RGL3: variants seen among roughly 807,000 people sequenced by gnomAD.
The protein encoded by RGL3 is ral guanine nucleotide dissociation stimulator like 3.
A neutral mutation model predicts 90.6 loss-of-function variants in RGL3; 85 were observed. That is an observed-to-expected ratio of 0.94 (90% CI 0.79 to 1.12). RGL3 has a LOEUF of 1.12. RGL3 is among the 50% of genes most tolerant of loss of function. The probability of loss-of-function intolerance (pLI) is 0.00; values close to 1 mark genes in which losing one functional copy is unlikely to be tolerated. For synonymous variants in RGL3, 408 were observed against 385.5 expected (o/e 1.06, Z -0.68); for missense variants, 1,034 against 939.2 (o/e 1.10, Z -1.32).
chr19:11,397,252 C>T lies in RGL3; in HGVS notation c.2006G>A (p.Gly669Glu). 6.2e-7 allele frequency: 1 copy of T among 1,613,862 alleles called. No individual in the cohort carries two copies. Among genetic ancestry groups the T allele is most frequent in the Non-Finnish European group, 8.5e-7 (1 of 1,179,886 alleles). The change falls in exon 18 of 19, where the codon GGG (glycine) becomes GAG (glutamate). Residue 669 changes from glycine (G) to glutamate (E), a missense_variant. Transcript: ENST00000380456. ...AACCCATCCCTGCTCACCCCGGTCC[C>T]CAGGAAGGACTTGAAAGAGCTGATA... ...CDYQLFQVLP[G>E]DRVLLIPDNA...
At chr19:11,397,636 T>C (rs1388068271) in intron 16 of RGL3, 39 bp from the exon 17 acceptor site, 2 of 1,485,572 alleles carry the variant, frequency 1.3e-6, no homozygotes, top group Non-Finnish European at 1.8e-6. Context: ...GCTTGGCCCA[T>C]CTGCAGATGC....
At chr19:11,418,942 C>G (rs1362510754) in intron 1 of RGL3, 158 bp from the exon 2 acceptor site, 1 of 652,014 alleles carries the variant, frequency 1.5e-6, no homozygotes, top group African/African-American at 1.9e-5. Flanking sequence ...AGGCTAGTCC[C>G]CTCCTCGCTG....
At chr19:11,407,070 C>T in intron 5 of RGL3, 1 of 481,028 alleles carries the variant, frequency 2.1e-6, no homozygotes, top group Non-Finnish European at 3.7e-6. Context: ...ACCACAACCT[C>T]CGCCTCCTGG....
At chr19:11,417,998 A>G (rs1253493274) in intron 2 of RGL3, among the ~76,000 whole-genome samples, 1 of 151,680 alleles carries the variant, frequency 6.6e-6, no homozygotes, top group Non-Finnish European at 1.5e-5. Context: ...CTAGTTTTTT[A>G]ATTTTTATTT....
chr19:11,416,260 C>A, intron 4 of RGL3, 112 bp from the exon 5 acceptor site: 2 of 856,122 alleles, frequency 2.3e-6, no homozygotes, highest in Non-Finnish European at 3.4e-6. Context: ...ACTGTGTCAC[C>A]AAGGCTGCAG....
chr19:11,414,510 T>TATATACACCTTC (rs1968956241), intron 5 of RGL3, among the ~76,000 whole-genome samples: 1 of 115,758 alleles, frequency 8.6e-6, no homozygotes. Context: ...TATATATATA[T>TATATACACCTTC]ATATATATAT....
chr19:11,402,018 C>T lies in RGL3; in HGVS notation c.1477G>A (p.Glu493Lys). ...ALHAQNQLTE[E>K]QSYRLSRVIE... The stretch of plus-strand genomic sequence containing the variant: ...AGGCTACAGGGTGGTCACCTCTGCT[C>T]CTCGGTGAGCTGGTTCTGGGCATGC... Residue 493 changes from glutamate to lysine, a missense_variant, in exon 13 of 19, where the codon GAG (glutamate) becomes AAG (lysine). Glu to Lys is a moderately conservative substitution (Grantham distance 56). Transcript: ENST00000380456. 6.5e-7 allele frequency: 1 copy of T among 1,547,352 alleles called. No individual in the cohort carries two copies. Among genetic ancestry groups the T allele is most frequent in the Non-Finnish European group, 8.7e-7 (1 of 1,148,368 alleles).
At chr19:11,396,371 T>C (rs1968573386) in intron 18 of RGL3, among the ~76,000 whole-genome samples, 1 of 147,368 alleles carries the variant, frequency 6.8e-6, no homozygotes, top group Non-Finnish European at 1.5e-5. Context: ...GGCTTCACCA[T>C]GTTGGCCAGG....
chr19:11,397,232 A>T lies in RGL3; in HGVS notation c.2014+12T>A. The T allele has an allele frequency of 1.2e-6, 2 of 1,611,042 alleles. No individual in the cohort carries two copies. Among genetic ancestry groups the T allele is most frequent in the Non-Finnish European group, 1.7e-6 (2 of 1,177,564 alleles). On this transcript the variant is annotated intron_variant, in intron 18 of 18. Coordinates refer to ENST00000380456, the MANE Select transcript of RGL3 (RefSeq NM_001035223.4). ...TGCCCCCTATCCTGAGCTCCAACCC[A>T]TCCCTGCTCACCCCGGTCCCCAGGA...
intron 9 of RGL3, among the ~76,000 whole-genome samples, chr19:11,403,747 C>T (rs1253063536): frequency 6.6e-6 from 1 of 151,940 alleles, no homozygotes; most frequent in Non-Finnish European, 1.5e-5. Flanking sequence ...GAGCAGGCCC[C>T]ATGAGAGGTG....
chr19:11,397,621 C>T (rs756194461), intron 16 of RGL3, 24 bp from the exon 17 acceptor site: 98 of 1,511,708 alleles, frequency 6.5e-5, no homozygotes, highest in Middle Eastern at 4.4e-4. Context: ...GGGGTGGAGG[C>T]TACAGCTTGG....
chr19:11,403,640 C>CAAAAAAAA (rs889376839), intron 9 of RGL3, among the ~76,000 whole-genome samples: 1 of 49,384 alleles, frequency 2.0e-5, no homozygotes, highest in East Asian at 7.6e-4. Context: ...AACTCCATCT[C>CAAAAAAAA]AAAAAAAAAA....
chr19:11,402,833 T>C (rs222603), intron 9 of RGL3, 127 bp from the exon 10 acceptor site: 106,576 of 793,348 alleles, frequency 0.13, 14,217 homozygotes, highest in African/African-American at 0.58. Context: ...GTAGGCCAGG[T>C]GCGATGGCTC....
In RGL3 at chr19:11,406,418, C is replaced by CCTGGGCGATGCGGATCCACTT; in HGVS notation, c.976_996dup (p.Lys326_Gln332dup). ...ATCCCCTCTCCGCGCCCGCAACACA[C>CCTGGGCGATGCGGATCCACTT]CTGGGCGATGCGGATCCACTTCTCC... On this transcript the variant is annotated inframe_insertion and splice_region_variant. Transcript: ENST00000380456. The CCTGGGCGATGCGGATCCACTT allele has an allele frequency of 1.3e-6, 2 of 1,535,112 alleles. No homozygotes were observed. Among genetic ancestry groups the CCTGGGCGATGCGGATCCACTT allele is most frequent in the Non-Finnish European group, 1.7e-6 (2 of 1,145,334 alleles).
intron 13 of RGL3, among the ~76,000 whole-genome samples, chr19:11,401,076 AGGG>A (rs145250521): frequency 0.035 from 5,387 of 151,912 alleles, 148 homozygotes; most frequent in East Asian, 0.16. Flanking sequence ...GAGTCAGATG[AGGG>A]GTCATGAATA....
rs143970589 is a variant in RGL3 at position 11,419,249 on chromosome 19, G to A, written c.30C>T (p.Ala10=). The A allele has an allele frequency of 5.6e-4, 887 of 1,593,052 alleles. 3 individuals are homozygous for A. The Middle Eastern group carries it at 7.8e-3, about 14-fold the overall frequency. Residue 10 remains alanine (A), a synonymous_variant, in exon 1 of 19, where the codon GCC becomes GCT. Coordinates refer to ENST00000380456, the MANE Select transcript of RGL3 (RefSeq NM_001035223.4). MERTAGKEL[A]LAPLQDWGEE... Reference sequence around the variant, plus strand: ...CGGGGATCCCTTGTCCCCTTACCAGGGCCAGCTCTTTGCCTGCTGTGCGCT... The same window carrying A: ...CGGGGATCCCTTGTCCCCTTACCAGAGCCAGCTCTTTGCCTGCTGTGCGCT...
chr19:11,410,317 A>T (rs1968851825), intron 5 of RGL3, among the ~76,000 whole-genome samples: 1 of 151,856 alleles, frequency 6.6e-6, no homozygotes, highest in Non-Finnish European at 1.5e-5. Context: ...CTATTATTTT[A>T]AAATAATCTT....
chr19:11,396,625 C>T (rs1259631916), intron 18 of RGL3, among the ~76,000 whole-genome samples: 2 of 148,720 alleles, frequency 1.3e-5, no homozygotes, highest in Non-Finnish European at 3.0e-5. Flanking sequence ...AATTGAAGGT[C>T]AGAAACACTC....
chr19:11,416,995 G>C lies in RGL3; in HGVS notation c.212C>G (p.Ala71Gly). 1 of 1,613,888 alleles carries C rather than the reference G, an allele frequency of 6.2e-7. No individual in the cohort carries two copies. Among genetic ancestry groups the C allele is most frequent in the Non-Finnish European group, 8.5e-7 (1 of 1,179,922 alleles). Residue 71 changes from alanine (A) to glycine (G), a missense_variant, in exon 3 of 19, where the codon GCA (alanine) becomes GGA (glycine). Transcript: ENST00000380456. ...TCCCACCAGCCGCTCCAGGCGCGCT[G>C]CCCTCAGCACCCTCACCTTGCTGGT... ...YRTSKVRVLR[A>G]ARLERLVGEL... is the part of the protein sequence containing the mutation.
Sources: allele counts gnomAD v4.1 joint callset (sites outside exome capture counted in the v4.1 genomes callset), GRCh38; gene constraint gnomAD v4.1.1; transcripts MANE v1.5; gene names NCBI Gene and HGNC (gene_info 2026-07-23, HGNC 2026-07-21).